CNTN6: variants seen among roughly 807,000 people sequenced by gnomAD.
The protein encoded by CNTN6 is contactin 6.
CNTN6 carries 137 observed loss-of-function variants against 122.8 expected under a neutral mutation model. The ratio of observed to expected loss-of-function variants is 1.12; its 90% CI spans 0.97 to 1.29. The LOEUF (loss-of-function observed/expected upper bound fraction) is 1.29, where lower values mean the gene tolerates loss of function less well. Ranked by LOEUF, CNTN6 falls within the 50% of genes most tolerant of loss-of-function variation. The pLI is 0.00. For synonymous variants in CNTN6, 570 were observed against 426.0 expected (o/e 1.34, Z -4.16); for missense variants, 1,634 against 1,223.4 (o/e 1.34, Z -5.01).
intron 4 of CNTN6, among the ~76,000 whole-genome samples, chr3:1,231,028 A>G (rs1382860877): frequency 6.6e-6 from 1 of 152,130 alleles, no homozygotes; most frequent in Non-Finnish European, 1.5e-5. Flanking sequence ...AAACCTCTCC[A>G]TGGGATCAGG....
intron 2 of CNTN6, among the ~76,000 whole-genome samples, chr3:1,199,497 C>G (rs1354042031): frequency 2.0e-5 from 3 of 152,028 alleles, no homozygotes; most frequent in Non-Finnish European, 2.9e-5. Context: ...TTGTTTTAAG[C>G]CACCTAGTTT....
At chr3:1,381,350 G>T (rs1457266221) in intron 17 of CNTN6, among the ~76,000 whole-genome samples, 1 of 152,170 alleles carries the variant, frequency 6.6e-6, no homozygotes, top group Non-Finnish European at 1.5e-5. Context: ...GATGTCCGGA[G>T]CAGCACTTTT....
chr3:1,252,845 A>G (rs1416957791), intron 4 of CNTN6, among the ~76,000 whole-genome samples: 1 of 152,124 alleles, frequency 6.6e-6, no homozygotes, highest in East Asian at 1.9e-4. Context: ...ATCTCCGAGA[A>G]CCTTCAGGCT....
At chr3:1,179,354 C>G (rs968556557) in intron 2 of CNTN6, among the ~76,000 whole-genome samples, 4 of 152,122 alleles carry the variant, frequency 2.6e-5, no homozygotes, top group African/African-American at 9.7e-5. Context: ...TCTCTACCCA[C>G]ACACTTTTGT....
intron 1 of CNTN6, among the ~76,000 whole-genome samples, chr3:1,139,361 A>G (rs1193630572): frequency 5.3e-5 from 8 of 152,148 alleles, no homozygotes; most frequent in Non-Finnish European, 5.9e-5. Flanking sequence ...ACTGAAAGCA[A>G]AAATAATTTA....
chr3:1,185,197 G>A (rs762888107), intron 2 of CNTN6, among the ~76,000 whole-genome samples: 4 of 152,034 alleles, frequency 2.6e-5, no homozygotes, highest in Admixed American at 6.6e-5. Flanking sequence ...GTCCTATTTG[G>A]TTCAGGAAAC....
chr3:1,252,839 C>A (rs533595497), intron 4 of CNTN6, among the ~76,000 whole-genome samples: 2 of 152,104 alleles, frequency 1.3e-5, no homozygotes, highest in Non-Finnish European at 2.9e-5. Flanking sequence ...AGATGCATCT[C>A]CGAGAACCTT....
chr3:1,275,258 C>G (rs540670252), intron 4 of CNTN6, among the ~76,000 whole-genome samples: 1 of 152,286 alleles, frequency 6.6e-6, no homozygotes, highest in East Asian at 1.9e-4. Context: ...AATCTCATCT[C>G]TTACTCATAG....
intron 5 of CNTN6, among the ~76,000 whole-genome samples, chr3:1,288,232 A>T (rs1694689347): frequency 1.3e-5 from 2 of 152,202 alleles, no homozygotes; most frequent in Non-Finnish European, 2.9e-5. Context: ...CATCTCCTTG[A>T]TTCCAAACAG....
At chr3:1,315,798 C>G (rs1265199791) in intron 7 of CNTN6, among the ~76,000 whole-genome samples, 1 of 151,148 alleles carries the variant, frequency 6.6e-6, no homozygotes, top group East Asian at 1.9e-4. Flanking sequence ...GTGAACATGA[C>G]TACTATGATC....
chr3:1,236,301 A>G (rs922177421), intron 4 of CNTN6, among the ~76,000 whole-genome samples: 1 of 152,056 alleles, frequency 6.6e-6, no homozygotes, highest in Non-Finnish European at 1.5e-5. Context: ...GCGCTAAACA[A>G]AAACGCAACC....
At chr3:1,253,882 T>G (rs2125678604) in intron 4 of CNTN6, among the ~76,000 whole-genome samples, 1 of 152,312 alleles carries the variant, frequency 6.6e-6, no homozygotes, top group South Asian at 2.1e-4. Flanking sequence ...AATCTCAGTC[T>G]TTGTCTCTCT....
chr3:1,258,677 G>A (rs931652125), intron 4 of CNTN6, among the ~76,000 whole-genome samples: 1 of 152,072 alleles, frequency 6.6e-6, no homozygotes, highest in Non-Finnish European at 1.5e-5. Context: ...TTCTCCTCGT[G>A]TCACCTTTTT....
chr3:1,323,112 G>C (rs265795), intron 8 of CNTN6, among the ~76,000 whole-genome samples: 13,128 of 151,652 alleles, frequency 0.087, 987 homozygotes, highest in African/African-American at 0.2. Flanking sequence ...GTACCTTTCT[G>C]TATACTGATA....
intron 4 of CNTN6, among the ~76,000 whole-genome samples, chr3:1,266,160 G>GA (rs1575479823): frequency 6.6e-6 from 1 of 151,872 alleles, no homozygotes; most frequent in East Asian, 1.9e-4. Context: ...AAATGCTTTG[G>GA]AAAAAAGTGA....
In CNTN6 at chr3:1,321,760, A is replaced by G; in HGVS notation, c.872A>G (p.Asp291Gly). 1 of 1,611,938 alleles carries G rather than the reference A, an allele frequency of 6.2e-7. No individual in the cohort carries two copies. Among genetic ancestry groups the G allele is most frequent in the Non-Finnish European group, 8.5e-7 (1 of 1,178,674 alleles). The change falls in exon 8 of 23, where the codon GAT becomes GGT. Residue 291 changes from aspartate to glycine, a missense_variant. Coordinates refer to ENST00000446702, the MANE Select transcript of CNTN6 (RefSeq NM_001289080.2). ...ILEIPNFQQEDEGFYECIASN... is the reference protein window; with the variant it reads ...ILEIPNFQQEGEGFYECIASN... ...GAAATCCCGAACTTCCAACAAGAAG[A>G]TGAAGGCTTTTATGAGTGCATTGCA... is the stretch of plus-strand genomic sequence containing the variant.
intron 12 of CNTN6, among the ~76,000 whole-genome samples, chr3:1,356,072 A>G (rs1235780281): frequency 6.6e-6 from 1 of 151,828 alleles, no homozygotes; most frequent in East Asian, 1.9e-4. Flanking sequence ...TCAAGAGGAA[A>G]GAGAGTTTAC....
At position 1,372,908 on chromosome 3, in the gene CNTN6, A is replaced by G; in HGVS notation, c.1739A>G (p.Gln580Arg). Residue 580 changes from glutamine to arginine, a missense_variant, in exon 14 of 23, where the codon CAA becomes CGA. Gln to Arg is a conservative substitution (Grantham distance 43). Transcript: ENST00000446702. ...TCAGGAAAATATCTCTGCACAGTAC[A>G]AACAACCCTAGAAAGTTTATCTGCA... ...HHSGKYLCTV[Q>R]TTLESLSAVA... 1.2e-6 allele frequency: 2 copies of G among 1,609,546 alleles called. No homozygotes were observed. Among genetic ancestry groups the G allele is most frequent in the Non-Finnish European group, 1.7e-6 (2 of 1,177,184 alleles).
intron 4 of CNTN6, among the ~76,000 whole-genome samples, chr3:1,233,884 A>G (rs1462443549): frequency 6.6e-6 from 1 of 152,110 alleles, no homozygotes; most frequent in Non-Finnish European, 1.5e-5. Flanking sequence ...TTTTTATCAT[A>G]TACAATGGAG....
Sources: gnomAD v4.1 joint callset for allele counts (sites outside exome capture counted in the v4.1 genomes callset) on GRCh38, gnomAD v4.1.1 for gene constraint, MANE v1.5 for transcripts, NCBI Gene and HGNC (gene_info 2026-07-23, HGNC 2026-07-21) for gene names.